SPATA16: variants seen among roughly 807,000 people sequenced by gnomAD.
The protein encoded by SPATA16 is spermatogenesis-associated protein 16.
Under a neutral mutation model 63.3 loss-of-function variants are expected in SPATA16, and 36 were observed. The ratio of observed to expected loss-of-function variants is 0.57; its 90% CI spans 0.44 to 0.75. The LOEUF is 0.75. SPATA16 is among the 30% of genes least tolerant of loss of function. The pLI is 0.00. For synonymous variants in SPATA16, 203 were observed against 216.7 expected (o/e 0.94, Z 0.56); for missense variants, 646 against 679.3 (o/e 0.95, Z 0.54).
chr3:173,119,850 G>A (rs1490639005), intron 1 of SPATA16, among the ~76,000 whole-genome samples: 1 of 127,282 alleles, frequency 7.9e-6, no homozygotes, highest in African/African-American at 2.5e-5. Flanking sequence ...GCCTTTGGGA[G>A]GCCAAGGCAG....
intron 1 of SPATA16, 49 bp from the exon 2 acceptor site, chr3:173,117,798 C>T: frequency 6.2e-7 from 1 of 1,612,340 alleles, no homozygotes; most frequent in Non-Finnish European, 8.5e-7. Flanking sequence ...TTTTGAATTC[C>T]AGTGGTTTAG....
intron 2 of SPATA16, among the ~76,000 whole-genome samples, chr3:173,096,161 T>C (rs1407233029): frequency 6.6e-6 from 1 of 152,086 alleles, no homozygotes; most frequent in Non-Finnish European, 1.5e-5. Flanking sequence ...AATACGAACA[T>C]GTGCTTTAGT....
At chr3:173,116,036 G>A (rs1296763934) in intron 2 of SPATA16, among the ~76,000 whole-genome samples, 1 of 151,996 alleles carries the variant, frequency 6.6e-6, no homozygotes, top group Admixed American at 6.6e-5. Flanking sequence ...TAGTAGTATA[G>A]ATGTGTGCCA....
intron 3 of SPATA16, among the ~76,000 whole-genome samples, chr3:173,038,512 T>C (rs550541531): frequency 1.3e-5 from 2 of 152,094 alleles, no homozygotes; most frequent in East Asian, 1.9e-4. Context: ...CAGCTCTCTA[T>C]GTTTCCCTAG....
chr3:172,953,384 C>T (rs1733495587), intron 6 of SPATA16, among the ~76,000 whole-genome samples: 2 of 152,136 alleles, frequency 1.3e-5, no homozygotes, highest in South Asian at 4.1e-4. Context: ...AGGGCTACGA[C>T]AACTTCTAGT....
intron 4 of SPATA16, among the ~76,000 whole-genome samples, chr3:173,016,961 C>T (rs571305282): frequency 1.7e-4 from 25 of 151,076 alleles, no homozygotes; most frequent in South Asian, 6.3e-4. Context: ...TTACAGTGAG[C>T]GCTGAGACTG....
chr3:173,012,692 C>T (rs1490477737), intron 4 of SPATA16, among the ~76,000 whole-genome samples: 1 of 152,120 alleles, frequency 6.6e-6, no homozygotes, highest in African/African-American at 2.4e-5. Flanking sequence ...ACTTCATATT[C>T]AATAAATGAT....
chr3:173,047,111 A>G (rs888136606), intron 3 of SPATA16, among the ~76,000 whole-genome samples: 30 of 151,832 alleles, frequency 2.0e-4, no homozygotes, highest in African/African-American at 5.8e-4. Context: ...TAGTGAACCT[A>G]CTGAAGCTGA....
intron 4 of SPATA16, among the ~76,000 whole-genome samples, chr3:173,016,294 C>G (rs921062320): frequency 1.3e-5 from 2 of 152,214 alleles, no homozygotes; most frequent in African/African-American, 4.8e-5. Context: ...CTGATATCTT[C>G]CCTCCAACCA....
At chr3:173,112,352 C>T (rs951151862) in intron 2 of SPATA16, among the ~76,000 whole-genome samples, 9 of 152,196 alleles carry the variant, frequency 5.9e-5, no homozygotes, top group African/African-American at 2.2e-4. Flanking sequence ...CAAGGACCAT[C>T]TGGAATTTGT....
intron 2 of SPATA16, among the ~76,000 whole-genome samples, chr3:173,099,238 CAGAA>C (rs1016893938): frequency 6.6e-6 from 1 of 151,090 alleles, no homozygotes; most frequent in African/African-American, 2.4e-5. Context: ...GAGAAAGAGA[CAGAA>C]AGAGAGAGAG....
chr3:172,898,890 C>T (rs766274907), intron 10 of SPATA16, among the ~76,000 whole-genome samples: 12 of 151,786 alleles, frequency 7.9e-5, no homozygotes, highest in Non-Finnish European at 1.3e-4. Flanking sequence ...CTGTATCCCA[C>T]AAATTTTGAT....
intron 3 of SPATA16, among the ~76,000 whole-genome samples, chr3:173,023,007 A>T (rs1333622596): frequency 6.6e-6 from 1 of 152,074 alleles, no homozygotes; most frequent in East Asian, 1.9e-4. Flanking sequence ...TATATATTAT[A>T]GTAAATGAAA....
intron 6 of SPATA16, among the ~76,000 whole-genome samples, chr3:172,945,028 A>T (rs1237011695): frequency 6.6e-6 from 1 of 152,236 alleles, no homozygotes; most frequent in Non-Finnish European, 1.5e-5. Context: ...TAATAAACAA[A>T]TTTATGATAG....
chr3:173,023,282 C>T (rs964962978), intron 3 of SPATA16, among the ~76,000 whole-genome samples: 1 of 151,764 alleles, frequency 6.6e-6, no homozygotes, highest in Non-Finnish European at 1.5e-5. Context: ...CCATCCTTCT[C>T]TCGTGATTTG....
chr3:172,990,489 C>T (rs1297104758), intron 4 of SPATA16, among the ~76,000 whole-genome samples: 4 of 152,134 alleles, frequency 2.6e-5, no homozygotes, highest in African/African-American at 9.7e-5. Context: ...AGTACATTTA[C>T]TTGCTCCTTT....
intron 1 of SPATA16, among the ~76,000 whole-genome samples, chr3:173,132,990 A>C (rs1738426461): frequency 6.6e-6 from 1 of 152,214 alleles, no homozygotes; most frequent in Admixed American, 6.5e-5. Flanking sequence ...GCTACACCTT[A>C]AATATGAGAA....
chr3:173,004,782 A>G (rs1421274636), intron 4 of SPATA16, among the ~76,000 whole-genome samples: 1 of 152,204 alleles, frequency 6.6e-6, no homozygotes, highest in Non-Finnish European at 1.5e-5. Context: ...AGTGCTCTAT[A>G]TAAATTGTCT....
intron 5 of SPATA16, among the ~76,000 whole-genome samples, chr3:172,959,507 G>A (rs971921454): frequency 3.9e-4 from 60 of 152,238 alleles, no homozygotes; most frequent in African/African-American, 1.4e-3. Flanking sequence ...ACCTGAAGAC[G>A]ATGGGTAAGG....
Sources: gnomAD v4.1 joint callset for allele counts (sites outside exome capture counted in the v4.1 genomes callset) on GRCh38, gnomAD v4.1.1 for gene constraint, MANE v1.5 for transcripts, NCBI Gene and HGNC (gene_info 2026-07-23, HGNC 2026-07-21) for gene names.